The following XPO7 variants were observed in gnomAD, a reference collection of about 807,000 sequenced individuals.
XPO7 encodes exportin-7.
XPO7 carries 21 observed loss-of-function variants against 144.3 expected under a neutral mutation model. That is an observed-to-expected ratio of 0.15 (90% confidence interval 0.10 to 0.21). The LOEUF is 0.21. Among genes scored for constraint, XPO7 ranks in the 10% least tolerant of loss-of-function variants. XPO7 has a pLI of 1.00. For synonymous variants in XPO7, 580 were observed against 499.6 expected (o/e 1.16, Z -2.15); for missense variants, 808 against 1,325.8 (o/e 0.61, Z 6.06).
In XPO7 at chr8:21,995,525, A is replaced by C; in HGVS notation, c.2271A>C (p.Ala757=). 6.2e-7 allele frequency: 1 copy of C among 1,610,308 alleles called. No homozygotes were observed. Among genetic ancestry groups the C allele is most frequent in the Non-Finnish European group, 8.5e-7 (1 of 1,178,184 alleles). ...CCTATATGCCAATTCTCCAACGGGC[A>C]ATTGAGCTCTGGTACCATGATCCAG... The part of the protein sequence containing the change: ...YPSYMPILQR[A]IELWYHDPAC... Residue 757 remains alanine, a synonymous_variant, in exon 21 of 28, where the codon GCA becomes GCC. Coordinates refer to ENST00000252512, the MANE Select transcript of XPO7 (RefSeq NM_015024.5).
chr8:21,958,792 C>A (rs887906499), intron 1 of XPO7, among the ~76,000 whole-genome samples: 61 of 151,998 alleles, frequency 4.0e-4, no homozygotes, highest in Non-Finnish European at 1.8e-4. Context: ...AAAACCCCAT[C>A]TCTACTAAAA....
At chr8:21,989,821 CTTTT>C (rs1170364778) in intron 16 of XPO7, among the ~76,000 whole-genome samples, 1 of 59,714 alleles carries the variant, frequency 1.7e-5, no homozygotes, top group Non-Finnish European at 3.6e-5. Context: ...TAGGTGTTTC[CTTTT>C]TTTTTTTTTT....
In XPO7 at chr8:21,919,694, G is replaced by T. The variant is rs1288590116; in HGVS notation, c.-77G>T. ...AGGCGCAGCGGCGACGGCGTCGGCGGCGGCGGCGGCAGCGGCTCCGGCCGA... is the reference window on the plus strand; with the variant it reads ...AGGCGCAGCGGCGACGGCGTCGGCGTCGGCGGCGGCAGCGGCTCCGGCCGA... On this transcript the variant is annotated 5_prime_UTR_variant, in exon 1 of 28. Coordinates refer to ENST00000252512, the MANE Select transcript of XPO7 (RefSeq NM_015024.5). 2.5e-5 allele frequency: 5 copies of T among 198,576 alleles called. No homozygotes were observed. Among genetic ancestry groups the T allele is most frequent in the East Asian group, 3.2e-4 (2 of 6,204 alleles). 12.3% of individuals were successfully genotyped at this position (198,576 alleles called of 1,614,324 possible). A position where few individuals can be genotyped will look rare whatever the true frequency, so the allele number is the denominator to read the frequency against.
chr8:21,996,057 C>T (rs563567589), intron 21 of XPO7, among the ~76,000 whole-genome samples: 87 of 152,302 alleles, frequency 5.7e-4, no homozygotes, highest in African/African-American at 2.0e-3. Flanking sequence ...CCTCGTGATC[C>T]GCGTGCCTCG....
At chr8:21,940,708 A>T (rs1032058149) in intron 1 of XPO7, among the ~76,000 whole-genome samples, 1 of 152,060 alleles carries the variant, frequency 6.6e-6, no homozygotes, top group African/African-American at 2.4e-5. Context: ...ACCTCAGGTG[A>T]TCCACCTGCC....
intron 21 of XPO7, among the ~76,000 whole-genome samples, chr8:21,997,272 C>T (rs1028243197): frequency 1.3e-5 from 2 of 152,176 alleles, no homozygotes; most frequent in Non-Finnish European, 1.5e-5. Context: ...AAAATCTCTA[C>T]CCTCTTTGAT....
chr8:21,929,585 A>G (rs1810577294), intron 1 of XPO7, among the ~76,000 whole-genome samples: 1 of 152,248 alleles, frequency 6.6e-6, no homozygotes, highest in Non-Finnish European at 1.5e-5. Context: ...ATAGTAAACC[A>G]TGAAATCACT....
chr8:21,923,356 T>C (rs911994245), intron 1 of XPO7, among the ~76,000 whole-genome samples: 4 of 152,206 alleles, frequency 2.6e-5, no homozygotes, highest in Admixed American at 2.6e-4. Flanking sequence ...GCTACATCTG[T>C]GTTGGGTGAT....
chr8:22,003,646 G>A (rs142997166), intron 26 of XPO7, among the ~76,000 whole-genome samples: 1 of 152,292 alleles, frequency 6.6e-6, no homozygotes, highest in African/African-American at 2.4e-5. Flanking sequence ...AACAAGTCTT[G>A]AGATTCTGGT....
At chr8:21,974,233 G>T (rs1276267438) in intron 5 of XPO7, among the ~76,000 whole-genome samples, 1 of 151,414 alleles carries the variant, frequency 6.6e-6, no homozygotes, top group Non-Finnish European at 1.5e-5. Context: ...AGAGGTGGTG[G>T]GGGGTCTCAC....
chr8:21,970,083 C>A lies in XPO7; in HGVS notation c.260-61C>A, dbSNP rs977177975. ...ATTTAGCATGTCTAAAGATATACACCCTTCTCTGGCAGAGCTTTCTATTAT... is the reference window on the plus strand; with the variant it reads ...ATTTAGCATGTCTAAAGATATACACACTTCTCTGGCAGAGCTTTCTATTAT... On this transcript the variant is annotated intron_variant, in intron 3 of 27. Transcript: ENST00000252512. The A allele has an allele frequency of 1.9e-6, 3 of 1,551,812 alleles. No homozygotes were observed. The African/African-American group carries it at 4.2e-5, about 21-fold the overall frequency.
intron 27 of XPO7, 88 bp from the exon 28 acceptor site, chr8:22,004,907 C>T: frequency 1.4e-6 from 1 of 730,228 alleles, no homozygotes; most frequent in Non-Finnish European, 2.2e-6. Flanking sequence ...ATACATTCTA[C>T]TTCCCATGCT....
intron 1 of XPO7, among the ~76,000 whole-genome samples, chr8:21,961,424 C>T (rs1353442795): frequency 6.6e-6 from 1 of 151,966 alleles, no homozygotes; most frequent in Non-Finnish European, 1.5e-5. Flanking sequence ...CTATATTGCT[C>T]AGGCTGGTTC....
At chr8:21,949,714 CTGTT>C (rs67297450) in intron 1 of XPO7, among the ~76,000 whole-genome samples, 54,391 of 151,660 alleles carry the variant, frequency 0.36, 10,238 homozygotes, top group Non-Finnish European at 0.42. Flanking sequence ...CATGGCCAGG[CTGTT>C]TGTTGTTGTT....
intron 24 of XPO7, among the ~76,000 whole-genome samples, chr8:22,001,217 A>T: frequency 6.6e-6 from 1 of 151,992 alleles, no homozygotes; most frequent in East Asian, 1.9e-4. Flanking sequence ...GAGGCAGAAG[A>T]ATCACTTGAA....
chr8:21,956,215 A>G (rs1301846300), intron 1 of XPO7, among the ~76,000 whole-genome samples: 2 of 152,126 alleles, frequency 1.3e-5, no homozygotes, highest in East Asian at 3.8e-4. Context: ...CTCTTTCTCT[A>G]GAGGATTTCG....
chr8:21,988,519 G>A (rs1812655186), intron 15 of XPO7: 1 of 165,228 alleles, frequency 6.1e-6, no homozygotes, highest in South Asian at 1.6e-4. Flanking sequence ...CCTACCAACT[G>A]TCCCAACCCT....
intron 1 of XPO7, among the ~76,000 whole-genome samples, chr8:21,953,219 C>G (rs1016886384): frequency 6.6e-6 from 1 of 152,092 alleles, no homozygotes; most frequent in African/African-American, 2.4e-5. Flanking sequence ...TTAGACATCC[C>G]CTGTGCTCTG....
In XPO7 at chr8:21,987,705, A is replaced by G. The variant is rs1411726153; in HGVS notation, c.1714-79A>G. 5 of 1,488,246 alleles carry G rather than the reference A, an allele frequency of 3.4e-6. No individual in the cohort carries two copies. In the African/African-American group the frequency reaches 5.5e-5, roughly 16 times the overall value. The allele number at this position is 1,488,246 out of a possible 1,614,324, so 92.2% of individuals were successfully genotyped here. A position where few individuals can be genotyped will look rare whatever the true frequency, so the allele number is the denominator to read the frequency against. On this transcript the variant is annotated intron_variant, in intron 14 of 27. Transcript: ENST00000252512. ...GTCCATTTTCTTCCACATCTTACCC[A>G]TGAGTGTGGACAAAAATAGTACCAG...
Sources: allele counts gnomAD v4.1 joint callset (sites outside exome capture counted in the v4.1 genomes callset), GRCh38; gene constraint gnomAD v4.1.1; transcripts MANE v1.5; gene names NCBI Gene and HGNC (gene_info 2026-07-23, HGNC 2026-07-21).